The following MSRA variants were observed in gnomAD, a reference collection of about 807,000 sequenced individuals.
MSRA encodes methionine sulfoxide reductase A.
Under a neutral mutation model 31.3 loss-of-function variants are expected in MSRA, and 54 were observed. The ratio of observed to expected loss-of-function variants is 1.73; its 90% CI spans 1.39 to 2.17. The LOEUF is 2.17. MSRA is among the 30% of genes most tolerant of loss of function. The pLI, the probability that MSRA is intolerant of heterozygous loss-of-function variation, is 0.00. For synonymous variants in MSRA, 169 were observed against 116.5 expected (o/e 1.45, Z -2.90); for missense variants, 507 against 300.9 (o/e 1.69, Z -5.07).
At chr8:10,420,335 G>A (rs1165634674) in intron 5 of MSRA, among the ~76,000 whole-genome samples, 1 of 151,198 alleles carries the variant, frequency 6.6e-6, no homozygotes, top group African/African-American at 2.4e-5. Flanking sequence ...ATTTTTATTA[G>A]AATTATTGAA....
At chr8:10,188,748 A>G (rs1374997068) in intron 1 of MSRA, among the ~76,000 whole-genome samples, 1 of 152,226 alleles carries the variant, frequency 6.6e-6, no homozygotes, top group Non-Finnish European at 1.5e-5. Context: ...TGTAGAACTT[A>G]TGCCATTACC....
chr8:10,407,020 G>A (rs1489626778), intron 5 of MSRA, among the ~76,000 whole-genome samples: 1 of 152,196 alleles, frequency 6.6e-6, no homozygotes. Context: ...TGAGGCCACA[G>A]GTGTGTGTCA....
At chr8:10,073,368 C>T (rs1354721636) in intron 1 of MSRA, among the ~76,000 whole-genome samples, 2 of 152,118 alleles carry the variant, frequency 1.3e-5, no homozygotes, top group Admixed American at 6.5e-5. Flanking sequence ...TTTATTGGAA[C>T]ACAGGCATGC....
chr8:10,403,412 T>C (rs1807588559), intron 5 of MSRA, among the ~76,000 whole-genome samples: 1 of 152,178 alleles, frequency 6.6e-6, no homozygotes, highest in Admixed American at 6.5e-5. Context: ...GAAGCTGGGA[T>C]GATGGGATCC....
At chr8:10,115,109 C>T (rs186543397) in intron 1 of MSRA, among the ~76,000 whole-genome samples, 1 of 152,286 alleles carries the variant, frequency 6.6e-6, no homozygotes, top group African/African-American at 2.4e-5. Context: ...ATGACATTGC[C>T]TCGTCAGAAG....
At chr8:10,057,963 T>G (rs530557100) in intron 1 of MSRA, among the ~76,000 whole-genome samples, 1 of 152,238 alleles carries the variant, frequency 6.6e-6, no homozygotes. Context: ...TTGGAAACAT[T>G]GCTAATCTGT....
intron 5 of MSRA, among the ~76,000 whole-genome samples, chr8:10,418,617 C>T (rs1808619718): frequency 6.6e-6 from 1 of 151,936 alleles, no homozygotes; most frequent in African/African-American, 2.4e-5. Context: ...CAAGGGAATC[C>T]ATGGTCCCCA....
chr8:10,166,015 A>G (rs1168779997), intron 1 of MSRA, among the ~76,000 whole-genome samples: 2 of 152,178 alleles, frequency 1.3e-5, no homozygotes, highest in African/African-American at 2.4e-5. Flanking sequence ...ATCTGTGTCC[A>G]GTGCACAAGG....
intron 1 of MSRA, among the ~76,000 whole-genome samples, chr8:10,090,971 T>C (rs1403088323): frequency 6.6e-6 from 1 of 152,258 alleles, no homozygotes; most frequent in African/African-American, 2.4e-5. Flanking sequence ...TGGATTATTA[T>C]GAACAATGAT....
intron 1 of MSRA, among the ~76,000 whole-genome samples, chr8:10,203,854 G>A (rs189059399): frequency 9.2e-5 from 14 of 152,304 alleles, no homozygotes; most frequent in Admixed American, 2.6e-4. Context: ...CTTCCAGTGG[G>A]ACGAGATGTG....
At chr8:10,394,735 T>A (rs1806987208) in intron 5 of MSRA, among the ~76,000 whole-genome samples, 1 of 152,236 alleles carries the variant, frequency 6.6e-6, no homozygotes, top group African/African-American at 2.4e-5. Context: ...GCAGATTGTA[T>A]CAGCTGCTTT....
intron 1 of MSRA, among the ~76,000 whole-genome samples, chr8:10,092,472 CAT>C (rs1186706976): frequency 2.0e-5 from 3 of 152,202 alleles, no homozygotes; most frequent in Admixed American, 2.0e-4. Context: ...TCCTGGCCAA[CAT>C]GTGTGAAACC....
intron 4 of MSRA, among the ~76,000 whole-genome samples, chr8:10,304,388 C>T (rs941358606): frequency 4.6e-5 from 7 of 152,152 alleles, no homozygotes; most frequent in African/African-American, 1.7e-4. Context: ...GCGCATAAGA[C>T]CACAGGCTAA....
At chr8:10,242,130 G>T (rs1304142623) in intron 2 of MSRA, among the ~76,000 whole-genome samples, 1 of 152,114 alleles carries the variant, frequency 6.6e-6, no homozygotes, top group South Asian at 2.1e-4. Context: ...AATTAGCCGG[G>T]CATGGTAGTA....
intron 5 of MSRA, among the ~76,000 whole-genome samples, chr8:10,363,006 A>G (rs907205537): frequency 6.6e-6 from 1 of 152,232 alleles, no homozygotes; most frequent in Non-Finnish European, 1.5e-5. Flanking sequence ...ATTTGGTGTT[A>G]AGAACACTCA....
chr8:10,172,790 G>C (rs1415683714), intron 1 of MSRA, among the ~76,000 whole-genome samples: 1 of 152,288 alleles, frequency 6.6e-6, no homozygotes, highest in South Asian at 2.1e-4. Flanking sequence ...TCACCCCTTC[G>C]CTTACTCGGA....
In MSRA at chr8:10,200,561, A is replaced by T. The variant is rs1012002199; in HGVS notation, c.143-7272A>T. 3.3e-5 allele frequency among the ~76,000 whole-genome samples: 5 copies of T among 152,250 alleles called. No individual in the cohort carries two copies. The East Asian group carries it at 9.7e-4, about 30-fold the overall frequency. On this transcript the variant is annotated intron_variant, in intron 1 of 5. Coordinates refer to ENST00000317173, the MANE Select transcript of MSRA (RefSeq NM_012331.5). ...CTGGTTGTCGCTTGCCTTCCAGGTCAGGGAGGAGCACTGGGAATTCCTGGG... is the reference window on the plus strand; with the variant it reads ...CTGGTTGTCGCTTGCCTTCCAGGTCTGGGAGGAGCACTGGGAATTCCTGGG...
intron 1 of MSRA, among the ~76,000 whole-genome samples, chr8:10,067,303 C>T (rs1222501456): frequency 3.3e-5 from 5 of 152,120 alleles, no homozygotes; most frequent in African/African-American, 1.2e-4. Context: ...GCTTCTTTCA[C>T]TTAACAATAT....
intron 1 of MSRA, among the ~76,000 whole-genome samples, chr8:10,097,711 G>A (rs534552940): frequency 3.3e-5 from 5 of 151,868 alleles, no homozygotes; most frequent in East Asian, 3.9e-4. Flanking sequence ...TCTTTGCAGC[G>A]AACTCAGAAC....
Sources: allele counts gnomAD v4.1 joint callset (sites outside exome capture counted in the v4.1 genomes callset), GRCh38; gene constraint gnomAD v4.1.1; transcripts MANE v1.5; gene names NCBI Gene and HGNC (gene_info 2026-07-23, HGNC 2026-07-21).